RBL1: variants seen among roughly 807,000 people sequenced by gnomAD.
The protein encoded by RBL1 is RB transcriptional corepressor like 1, also known as retinoblastoma-like protein 1.
RBL1 carries 82 observed loss-of-function variants against 123.0 expected under a neutral mutation model. That is an observed-to-expected ratio of 0.67 (90% CI 0.56 to 0.80). The LOEUF (loss-of-function observed/expected upper bound fraction) is 0.80. Ranked by LOEUF, RBL1 falls within the 30% of genes least tolerant of loss-of-function variation. The probability of loss-of-function intolerance (pLI) is 0.00; values close to 1 mark genes in which losing one functional copy is unlikely to be tolerated. For missense variants in RBL1, 1,171 were observed against 1,299.6 expected (o/e 0.90, Z 1.52); for synonymous variants, 405 against 441.3 (o/e 0.92, Z 1.03).
intron 16 of RBL1, among the ~76,000 whole-genome samples, chr20:37,029,219 T>C (rs571569678): frequency 2.0e-5 from 3 of 152,278 alleles, no homozygotes; most frequent in East Asian, 3.9e-4. Flanking sequence ...TAATAAAGGA[T>C]ATACAGTAAT....
At position 37,036,249 on chromosome 20, in the gene RBL1, G is replaced by T. The variant is rs373601923; in HGVS notation, c.1904-741C>A. On this transcript the variant is annotated intron_variant, in intron 14 of 21. Coordinates refer to ENST00000373664, the MANE Select transcript of RBL1 (RefSeq NM_002895.5). ...TTCCCTCAACCAATTATTCCTTACA[G>T]GTAGGTCAATAATATGCTTTTAAAA... 3.9e-5 allele frequency among the ~76,000 whole-genome samples: 6 copies of T among 152,164 alleles called. No homozygotes were observed. In the East Asian group the frequency reaches 7.7e-4, roughly 20 times the overall value.
chr20:37,037,397 C>A (rs2064634661), intron 14 of RBL1, among the ~76,000 whole-genome samples: 1 of 152,166 alleles, frequency 6.6e-6, no homozygotes, highest in Non-Finnish European at 1.5e-5. Flanking sequence ...AAGATGCTCA[C>A]TTAGTTATAA....
intron 13 of RBL1, among the ~76,000 whole-genome samples, chr20:37,043,036 T>C (rs908198660): frequency 3.3e-5 from 5 of 151,880 alleles, no homozygotes; most frequent in African/African-American, 1.2e-4. Flanking sequence ...GAGCCAGATG[T>C]GGTGGCTCAC....
chr20:37,052,392 T>C (rs2146280266), intron 11 of RBL1, among the ~76,000 whole-genome samples: 1 of 152,176 alleles, frequency 6.6e-6, no homozygotes, highest in Non-Finnish European at 1.5e-5. Flanking sequence ...AGTGCAGTGG[T>C]GTGATCTCGG....
intron 19 of RBL1, among the ~76,000 whole-genome samples, chr20:37,009,972 C>T (rs2146207420): frequency 6.6e-6 from 1 of 151,980 alleles, no homozygotes; most frequent in East Asian, 1.9e-4. Flanking sequence ...TTGCAGTGAG[C>T]TATGATTGCC....
At chr20:37,061,336 G>C in intron 8 of RBL1, 67 bp from the exon 9 acceptor site, 1 of 1,518,034 alleles carries the variant, frequency 6.6e-7, no homozygotes, top group Non-Finnish European at 8.9e-7. Context: ...GTTTAATTCA[G>C]TGCATATACC....
intron 2 of RBL1, among the ~76,000 whole-genome samples, chr20:37,082,496 A>ACT (rs1425758954): frequency 4.7e-5 from 7 of 149,312 alleles, no homozygotes; most frequent in South Asian, 4.3e-4. Context: ...ACACACACAC[A>ACT]CACTCTCTCT....
At chr20:37,071,782 G>C (rs977511762) in intron 2 of RBL1, among the ~76,000 whole-genome samples, 1 of 152,160 alleles carries the variant, frequency 6.6e-6, no homozygotes, top group Non-Finnish European at 1.5e-5. Flanking sequence ...TCACTCACCT[G>C]AGATCTGGCT....
chr20:37,050,075 AAGAG>A (rs1481102579), intron 11 of RBL1, among the ~76,000 whole-genome samples: 6 of 151,856 alleles, frequency 4.0e-5, no homozygotes, highest in Admixed American at 6.6e-5. Flanking sequence ...AAAAAAAAAA[AAGAG>A]AGAGAGAGAA....
At chr20:37,060,517 G>A (rs576549255) in intron 9 of RBL1, among the ~76,000 whole-genome samples, 26 of 152,034 alleles carry the variant, frequency 1.7e-4, no homozygotes, top group Admixed American at 1.4e-3. Context: ...TGGCATGGTC[G>A]CTCATGCCTG....
intron 2 of RBL1, among the ~76,000 whole-genome samples, chr20:37,084,040 C>G (rs951937923): frequency 4.6e-5 from 7 of 151,062 alleles, no homozygotes; most frequent in Non-Finnish European, 1.0e-4. Context: ...TCCCGAGTAG[C>G]TGGGATTACA....
intron 1 of RBL1, 85 bp from the exon 2 acceptor site, chr20:37,089,207 C>G: frequency 7.5e-7 from 1 of 1,327,398 alleles, no homozygotes. Context: ...GTAGAATTAT[C>G]TGGTCTCAAT....
intron 14 of RBL1, 141 bp downstream of exon 14, chr20:37,040,012 C>A (rs1026474158): frequency 9.5e-7 from 1 of 1,057,960 alleles, no homozygotes; most frequent in Non-Finnish European, 1.4e-6. Context: ...GGGGTGCTGG[C>A]ACAAGCATCA....
At chr20:37,021,953 G>A (rs1300504628) in intron 17 of RBL1, 1 of 152,688 alleles carries the variant, frequency 6.5e-6, no homozygotes, top group Non-Finnish European at 1.5e-5. Flanking sequence ...TTTCTTCTTT[G>A]CTCCCTTTTT....
At chr20:37,047,442 A>C (rs1477081960) in intron 11 of RBL1, among the ~76,000 whole-genome samples, 2 of 152,232 alleles carry the variant, frequency 1.3e-5, no homozygotes. Context: ...AATAAAAGTC[A>C]GTATTCCCAT....
intron 16 of RBL1, among the ~76,000 whole-genome samples, chr20:37,031,402 T>G (rs1191808744): frequency 1.3e-5 from 2 of 152,274 alleles, no homozygotes; most frequent in East Asian, 3.9e-4. Flanking sequence ...AATAGACATT[T>G]CTATAATGAA....
intron 2 of RBL1, among the ~76,000 whole-genome samples, chr20:37,081,729 A>C (rs140007267): frequency 6.6e-6 from 1 of 152,326 alleles, no homozygotes; most frequent in African/African-American, 2.4e-5. Context: ...AAAATTTGCC[A>C]TTCCAATCAA....
chr20:37,038,544 C>G (rs1221817460), intron 14 of RBL1, among the ~76,000 whole-genome samples: 2 of 150,330 alleles, frequency 1.3e-5, no homozygotes, highest in Non-Finnish European at 3.0e-5. Context: ...CATGATTGAC[C>G]TGCCTCAGCC....
At chr20:37,094,661 T>TA (rs1200060443) in intron 1 of RBL1, among the ~76,000 whole-genome samples, 1 of 152,182 alleles carries the variant, frequency 6.6e-6, no homozygotes, top group Non-Finnish European at 1.5e-5. Context: ...TGTTTTTAGA[T>TA]AGAGTCTTGC....
Sources: allele counts gnomAD v4.1 joint callset (sites outside exome capture counted in the v4.1 genomes callset), GRCh38; gene constraint gnomAD v4.1.1; transcripts MANE v1.5; gene names NCBI Gene and HGNC (gene_info 2026-07-23, HGNC 2026-07-21).